Variants in PDE4B observed in about 807,000 individuals in gnomAD.
PDE4B encodes the protein phosphodiesterase 4B, also known as 3',5'-cyclic-AMP phosphodiesterase 4B.
In PDE4B, 20 loss-of-function variants were observed where a neutral mutation model predicts 82.2. That is an observed-to-expected ratio of 0.24 (90% CI 0.17 to 0.35). PDE4B has a LOEUF of 0.35. Ranked by LOEUF, PDE4B falls within the 10% of genes least tolerant of loss-of-function variation. The pLI is 1.00. For synonymous variants in PDE4B, 320 were observed against 318.9 expected (o/e 1.00, Z -0.04); for missense variants, 655 against 907.2 (o/e 0.72, Z 3.57).
chr1:66,110,409 A>C (rs1283179847), intron 3 of PDE4B, among the ~76,000 whole-genome samples: 1 of 151,984 alleles, frequency 6.6e-6, no homozygotes, highest in Non-Finnish European at 1.5e-5. Flanking sequence ...GAAGAAAGTG[A>C]AAAAGGTCAA....
rs558268396 is a variant in PDE4B, at chr1:66,279,453, G to A, written c.634+13366G>A. Among the ~76,000 whole-genome samples, 221 of 152,090 alleles carry A rather than the reference G, an allele frequency of 1.5e-3. 1 individual carries two copies. Among genetic ancestry groups the A allele is most frequent in the Non-Finnish European group, 1.8e-3 (120 of 67,958 alleles). On this transcript the variant is annotated intron_variant, in intron 7 of 16. Coordinates refer to ENST00000341517, the MANE Select transcript of PDE4B (RefSeq NM_002600.4). ...AGCCTGGCCAACATAGTGAAATCCC[G>A]ACTCTACTAAAAATACAAAAAATTA...
chr1:65,906,188 A>G (rs892259253), intron 1 of PDE4B, among the ~76,000 whole-genome samples: 4 of 152,164 alleles, frequency 2.6e-5, no homozygotes, highest in African/African-American at 9.7e-5. Flanking sequence ...TGCCCAGCAA[A>G]TATTAAATGA....
chr1:65,983,162 A>G (rs994321658), intron 3 of PDE4B, among the ~76,000 whole-genome samples: 5 of 152,300 alleles, frequency 3.3e-5, no homozygotes, highest in Middle Eastern at 6.8e-3. Flanking sequence ...CTGTCCCACC[A>G]TTGTATTTTC....
chr1:66,007,234 C>G (rs1652200484), intron 3 of PDE4B, among the ~76,000 whole-genome samples: 1 of 152,134 alleles, frequency 6.6e-6, no homozygotes, highest in Non-Finnish European at 1.5e-5. Flanking sequence ...CATTTGAGGT[C>G]AGGCATTCAA....
intron 1 of PDE4B, among the ~76,000 whole-genome samples, chr1:65,830,233 A>T (rs1646067074): frequency 6.6e-6 from 1 of 152,200 alleles, no homozygotes; most frequent in Non-Finnish European, 1.5e-5. Flanking sequence ...ATCTACATTG[A>T]TATAAACAAA....
intron 3 of PDE4B, among the ~76,000 whole-genome samples, chr1:66,067,071 C>G (rs948812428): frequency 1.3e-5 from 2 of 152,070 alleles, no homozygotes; most frequent in Admixed American, 6.6e-5. Flanking sequence ...ACCACATTTT[C>G]TTAATCCAGT....
chr1:65,864,943 C>A (rs1646494728), intron 1 of PDE4B, among the ~76,000 whole-genome samples: 1 of 152,208 alleles, frequency 6.6e-6, no homozygotes, highest in Non-Finnish European at 1.5e-5. Context: ...TCAGAGCCCA[C>A]AGGCAGGAAC....
At chr1:65,883,017 C>A (rs1289905348) in intron 1 of PDE4B, among the ~76,000 whole-genome samples, 2 of 152,130 alleles carry the variant, frequency 1.3e-5, no homozygotes, top group Non-Finnish European at 1.5e-5. Flanking sequence ...TTGGGCGAAC[C>A]ATTTGTCCTT....
chr1:65,896,427 G>A (rs1646911534), intron 1 of PDE4B, among the ~76,000 whole-genome samples: 1 of 152,118 alleles, frequency 6.6e-6, no homozygotes, highest in Non-Finnish European at 1.5e-5. Context: ...TGGGAATTAT[G>A]GAGCTACAGT....
intron 3 of PDE4B, among the ~76,000 whole-genome samples, chr1:66,171,534 A>T (rs1018934928): frequency 5.9e-5 from 9 of 151,996 alleles, no homozygotes; most frequent in African/African-American, 2.2e-4. Context: ...TGATCACAAA[A>T]CTCTTTTTGG....
At chr1:65,909,062 C>A (rs1485649449) in intron 1 of PDE4B, among the ~76,000 whole-genome samples, 1 of 152,090 alleles carries the variant, frequency 6.6e-6, no homozygotes, top group East Asian at 1.9e-4. Context: ...GTTATGGAAG[C>A]AATCTGAACT....
At chr1:66,056,485 C>CTATCATCT (rs36186778) in intron 3 of PDE4B, among the ~76,000 whole-genome samples, 5 of 143,574 alleles carry the variant, frequency 3.5e-5, no homozygotes, top group Non-Finnish European at 7.6e-5. Flanking sequence ...ATCTATCTAT[C>CTATCATCT]ATCTATCTAT....
intron 1 of PDE4B, among the ~76,000 whole-genome samples, chr1:65,829,215 A>G (rs1345824608): frequency 3.3e-5 from 5 of 152,218 alleles, no homozygotes; most frequent in Non-Finnish European, 7.4e-5. Flanking sequence ...ATTATCAGAG[A>G]CAAACAGAGG....
At chr1:66,348,853 A>T (rs557185429) in intron 8 of PDE4B, among the ~76,000 whole-genome samples, 1 of 152,066 alleles carries the variant, frequency 6.6e-6, no homozygotes, top group South Asian at 2.1e-4. Flanking sequence ...AAATAGTTAC[A>T]GTATCTTTTG....
intron 1 of PDE4B, among the ~76,000 whole-genome samples, chr1:65,817,168 G>T (rs1176663242): frequency 2.0e-5 from 3 of 152,272 alleles, no homozygotes; most frequent in Non-Finnish European, 2.9e-5. Flanking sequence ...TCATAAGAGG[G>T]TGACAATCTC....
chr1:66,143,697 G>A (rs546651085), intron 3 of PDE4B, among the ~76,000 whole-genome samples: 2 of 152,324 alleles, frequency 1.3e-5, no homozygotes, highest in East Asian at 1.9e-4. Flanking sequence ...ATGTAACATA[G>A]TTTAGGCCAT....
chr1:66,130,342 T>C (rs1226323809), intron 3 of PDE4B, among the ~76,000 whole-genome samples: 1 of 152,256 alleles, frequency 6.6e-6, no homozygotes, highest in African/African-American at 2.4e-5. Context: ...CATTCATTTA[T>C]TCTTTCATTC....
At chr1:65,845,328 C>T (rs1393009956) in intron 1 of PDE4B, among the ~76,000 whole-genome samples, 1 of 152,132 alleles carries the variant, frequency 6.6e-6, no homozygotes, top group Non-Finnish European at 1.5e-5. Flanking sequence ...TTTAGCCCTG[C>T]TCTGTGGATC....
chr1:66,203,869 G>A (rs1421731539), intron 3 of PDE4B, among the ~76,000 whole-genome samples: 4 of 152,176 alleles, frequency 2.6e-5, no homozygotes, highest in Non-Finnish European at 5.9e-5. Flanking sequence ...TCTCCGTCCA[G>A]CTTTGTTCCA....
Sources: gnomAD v4.1 joint callset for allele counts (sites outside exome capture counted in the v4.1 genomes callset) on GRCh38, gnomAD v4.1.1 for gene constraint, MANE v1.5 for transcripts, NCBI Gene and HGNC (gene_info 2026-07-23, HGNC 2026-07-21) for gene names.